Variants in KLF8 observed in about 807,000 individuals in gnomAD.
KLF8 encodes the protein Krueppel-like factor 8.
In KLF8, 10 loss-of-function variants were observed where a neutral mutation model predicts 18.2. The ratio of observed to expected loss-of-function variants is 0.55; its 90% CI spans 0.34 to 0.93. The LOEUF (loss-of-function observed/expected upper bound fraction) is 0.93. Ranked by LOEUF, KLF8 falls within the 40% of genes least tolerant of loss-of-function variation. KLF8 has a pLI of 0.02. For synonymous variants in KLF8, 109 were observed against 97.3 expected (o/e 1.12, Z -0.71); for missense variants, 264 against 277.9 (o/e 0.95, Z 0.36).
chrX:55,961,312 G>A, the KLF8 span: 1 of 411,920 alleles, frequency 2.4e-6, no homozygotes, highest in African/African-American at 2.5e-5. Flanking sequence ...GACCTATGTG[G>A]AGATGGGACT....
At chrX:56,199,159 C>CT in the KLF8 span, among the ~76,000 whole-genome samples, 7 of 111,564 alleles carry the variant, frequency 6.3e-5, no homozygotes, top group Non-Finnish European at 1.1e-4. Context: ...TAGGCAATAC[C>CT]ATTCAGGAAA....
the KLF8 span, among the ~76,000 whole-genome samples, chrX:56,120,842 C>G: frequency 9.0e-6 from 1 of 111,284 alleles, no homozygotes; most frequent in Non-Finnish European, 1.9e-5. Context: ...TCAAGTAATC[C>G]TGCTAGCTTC....
chrX:55,968,160 A>G, the KLF8 span, among the ~76,000 whole-genome samples: 1 of 111,289 alleles, frequency 9.0e-6, no homozygotes, highest in Non-Finnish European at 1.9e-5. Context: ...CTTTCACTAA[A>G]AGGAAGACAT....
the KLF8 span, among the ~76,000 whole-genome samples, chrX:56,102,226 G>C: frequency 1.8e-5 from 2 of 111,153 alleles, no homozygotes; most frequent in Non-Finnish European, 3.8e-5. Flanking sequence ...CTTATTGCTC[G>C]TTTTTGTCAG....
the KLF8 span, chrX:56,014,871 A>C: frequency 2.0e-4 from 14 of 71,389 alleles, no homozygotes; most frequent in Non-Finnish European, 3.1e-4. Context: ...GGAAGCTGTT[A>C]TCCTCAGCAA....
upstream of KLF8, among the ~76,000 whole-genome samples, chrX:56,229,288 T>C (rs1383029434): frequency 9.0e-6 from 1 of 111,586 alleles, no homozygotes; most frequent in Non-Finnish European, 1.9e-5. Context: ...TCTCAGCTGC[T>C]TTTCATTAGG....
the KLF8 span, among the ~76,000 whole-genome samples, chrX:56,200,262 C>A: frequency 9.1e-6 from 1 of 110,174 alleles, no homozygotes; most frequent in African/African-American, 3.3e-5. Context: ...TAAACGTAAA[C>A]ACATTGTATG....
the KLF8 span, among the ~76,000 whole-genome samples, chrX:56,194,678 C>A: frequency 8.9e-6 from 1 of 112,387 alleles, no homozygotes; most frequent in South Asian, 3.7e-4. Flanking sequence ...CTTAAATGGC[C>A]CTGTCTGGCA....
chrX:56,183,998 T>A, the KLF8 span, among the ~76,000 whole-genome samples: 3 of 110,847 alleles, frequency 2.7e-5, no homozygotes, highest in African/African-American at 9.8e-5. Context: ...ATCATCTCAC[T>A]AGGGAGTGCC....
the KLF8 span, among the ~76,000 whole-genome samples, chrX:55,934,354 G>A: frequency 2.7e-5 from 3 of 111,771 alleles, no homozygotes; most frequent in South Asian, 1.1e-3. Flanking sequence ...AATAATAAAA[G>A]AATCAAGCAA....
At chrX:55,918,902 A>T in the KLF8 span, among the ~76,000 whole-genome samples, 7 of 111,999 alleles carry the variant, frequency 6.3e-5, no homozygotes, top group African/African-American at 2.3e-4. Flanking sequence ...GATGGCTAGG[A>T]CTTCAACATA....
At chrX:56,085,681 T>C in the KLF8 span, among the ~76,000 whole-genome samples, 1 of 112,210 alleles carries the variant, frequency 8.9e-6, no homozygotes, top group African/African-American at 3.2e-5. Flanking sequence ...AGTTTACACA[T>C]GAAAGTAAGA....
chrX:56,233,131 C>G lies in KLF8; in HGVS notation c.-204C>G. 3 of 466,573 alleles carry G rather than the reference C, an allele frequency of 6.4e-6. No individual in the cohort carries two copies. In the Admixed American group the frequency reaches 9.2e-5, roughly 14 times the overall value. 38.5% of individuals were successfully genotyped at this position (466,573 alleles called of 1,213,427 possible). A position where few individuals can be genotyped will look rare whatever the true frequency, so the allele number is the denominator to read the frequency against. On this transcript the variant is annotated 5_prime_UTR_variant, in exon 1 of 6. Coordinates refer to ENST00000468660, the MANE Select transcript of KLF8 (RefSeq NM_007250.5). The stretch of plus-strand genomic sequence containing the variant: ...AGCTGGGTCTGAATCGACTCCCTCC[C>G]CTTTCGACCCCCTCCTCATTTTCCA...
the KLF8 span, among the ~76,000 whole-genome samples, chrX:56,185,613 G>A: frequency 1.8e-5 from 2 of 111,940 alleles, no homozygotes; most frequent in African/African-American, 3.2e-5. Flanking sequence ...AATGTTAAGA[G>A]CAGCCAGAGA....
At chrX:56,156,352 C>T in the KLF8 span, among the ~76,000 whole-genome samples, 3 of 110,039 alleles carry the variant, frequency 2.7e-5, no homozygotes, top group Non-Finnish European at 5.7e-5. Context: ...AGCCTAGTAC[C>T]CATTAGTGAT....
At chrX:55,941,439 C>T in the KLF8 span, among the ~76,000 whole-genome samples, 6 of 111,463 alleles carry the variant, frequency 5.4e-5, no homozygotes, top group African/African-American at 2.0e-4. Flanking sequence ...CTAGGCATTA[C>T]CATTCAGGTC....
At chrX:56,212,903 T>G in the KLF8 span, among the ~76,000 whole-genome samples, 1 of 111,981 alleles carries the variant, frequency 8.9e-6, no homozygotes, top group Non-Finnish European at 1.9e-5. Flanking sequence ...TGAGTAGGTC[T>G]TTTGTTCTTA....
the KLF8 span, among the ~76,000 whole-genome samples, chrX:55,922,635 GA>G: frequency 1.8e-5 from 2 of 111,879 alleles, no homozygotes; most frequent in African/African-American, 6.5e-5. Flanking sequence ...TCGAAAGAAA[GA>G]AAAAATCCCA....
At chrX:55,959,670 T>C in the KLF8 span, among the ~76,000 whole-genome samples, 24,174 of 111,110 alleles carry the variant, frequency 0.22, 5,429 homozygotes, top group African/African-American at 0.69. Context: ...AAAGGCTGCT[T>C]CTTCAAATCA....
Sources: gnomAD v4.1 joint callset for allele counts (sites outside exome capture counted in the v4.1 genomes callset) on GRCh38, gnomAD v4.1.1 for gene constraint, MANE v1.5 for transcripts, NCBI Gene and HGNC (gene_info 2026-07-23, HGNC 2026-07-21) for gene names.